The following KCNK5 variants were observed in gnomAD, a reference collection of about 807,000 sequenced individuals.
KCNK5 encodes the protein potassium channel subfamily K member 5.
KCNK5 carries 18 observed loss-of-function variants against 32.9 expected under a neutral mutation model. The observed-to-expected ratio is 0.55, with a 90% CI of 0.38 to 0.81. The LOEUF is 0.81. Ranked by LOEUF, KCNK5 falls within the 30% of genes least tolerant of loss-of-function variation. The pLI, the probability that KCNK5 is intolerant of heterozygous loss-of-function variation, is 0.00. For missense variants in KCNK5, 507 were observed against 651.0 expected (o/e 0.78, Z 2.41); for synonymous variants, 276 against 275.3 (o/e 1.00, Z -0.03).
chr6:39,217,451 G>A (rs554181327), intron 1 of KCNK5, among the ~76,000 whole-genome samples: 9 of 152,184 alleles, frequency 5.9e-5, no homozygotes, highest in Non-Finnish European at 1.2e-4. Flanking sequence ...ACTAGGACAC[G>A]TGGCAATCCC....
chr6:39,194,485 C>CT lies in KCNK5; in HGVS notation c.465+108dup, dbSNP rs1467915329. 2.8e-6 allele frequency: 4 copies of CT among 1,444,994 alleles called. No individual in the cohort carries two copies. The African/African-American group carries it at 5.7e-5, about 20-fold the overall frequency. 89.5% of individuals were successfully genotyped at this position (1,444,994 alleles called of 1,614,324 possible). A position where few individuals can be genotyped will look rare whatever the true frequency, so the allele number is the denominator to read the frequency against. ...GGGCAAGGAGCTCTGAAACTATCCTCTTGCCATCTGTCCTTACACCCTTGG... is the reference window on the plus strand; with the variant it reads ...GGGCAAGGAGCTCTGAAACTATCCTCTTTGCCATCTGTCCTTACACCCTTGG... On this transcript the variant is annotated intron_variant, in intron 3 of 4. Transcript: ENST00000359534. The surrounding 1 kb of genome is among the most constrained non-coding windows in gnomAD (Gnocchi z 4.7).
rs1477259861 is a variant in KCNK5 at position 39,194,568 on chromosome 6, C to A, written c.465+26G>T. The A allele has an allele frequency of 3.7e-6, 6 of 1,612,248 alleles. No individual in the cohort carries two copies. The highest frequency in any genetic ancestry group is 4.2e-6 in the Non-Finnish European group (5 of 1,178,694). On this transcript the variant is annotated intron_variant, in intron 3 of 4. Coordinates refer to ENST00000359534, the MANE Select transcript of KCNK5 (RefSeq NM_003740.4). The surrounding 1 kb of genome is among the most constrained non-coding windows in gnomAD (Gnocchi z 4.7). ...ACCTGTCATGGTTCCCCCATCTCTG[C>A]CCAACACCCAGGGTAGGGGACATAC...
chr6:39,227,088 G>C (rs1184055421), intron 1 of KCNK5, among the ~76,000 whole-genome samples: 4 of 152,026 alleles, frequency 2.6e-5, no homozygotes, highest in Non-Finnish European at 4.4e-5. Context: ...AGCTGCACCC[G>C]GCTGCCTAAC....
intron 1 of KCNK5, among the ~76,000 whole-genome samples, chr6:39,227,432 C>CA (rs1443622134): frequency 6.6e-6 from 1 of 152,164 alleles, no homozygotes; most frequent in Non-Finnish European, 1.5e-5. Flanking sequence ...GTAGACTCTT[C>CA]ATGCCAGGAC....
At chr6:39,195,424 G>A (rs559011264) in intron 2 of KCNK5, among the ~76,000 whole-genome samples, 1 of 152,310 alleles carries the variant, frequency 6.6e-6, no homozygotes, top group African/African-American at 2.4e-5. Flanking sequence ...GCCATTGTTC[G>A]ACTGCCACTG....
chr6:39,214,718 C>T (rs538243081), intron 1 of KCNK5, among the ~76,000 whole-genome samples: 3 of 152,118 alleles, frequency 2.0e-5, no homozygotes, highest in African/African-American at 4.8e-5. Context: ...TCCTCTGACA[C>T]GGGGCAGGGG....
In KCNK5 at chr6:39,229,145, C is replaced by T. The variant is rs1771725406; in HGVS notation, c.-34G>A. ...AGCGGCCGCCTCCTAGAGAAAGCCTCTCCTAGCCCCAGCTGCTACCAGTCC... is the reference window on the plus strand; with the variant it reads ...AGCGGCCGCCTCCTAGAGAAAGCCTTTCCTAGCCCCAGCTGCTACCAGTCC... On this transcript the variant is annotated 5_prime_UTR_variant, in exon 1 of 5. Transcript: ENST00000359534. The T allele has an allele frequency of 6.2e-7, 1 of 1,608,100 alleles. No homozygotes were observed. Among genetic ancestry groups the T allele is most frequent in the African/African-American group, 1.3e-5 (1 of 74,782 alleles).
chr6:39,198,921 G>GAT (rs1771076887), intron 1 of KCNK5, among the ~76,000 whole-genome samples: 2 of 152,170 alleles, frequency 1.3e-5, no homozygotes, highest in Non-Finnish European at 2.9e-5. Flanking sequence ...ATCCATCAAG[G>GAT]GTGTTGTGGA....
chr6:39,217,118 C>CAAAAA lies in KCNK5; in HGVS notation c.186+11803_186+11807dup, dbSNP rs57204833. 6.6e-3 allele frequency among the ~76,000 whole-genome samples: 493 copies of CAAAAA among 74,348 alleles called. 22 individuals are homozygous for CAAAAA. The highest frequency in any genetic ancestry group is 0.017 in the Middle Eastern group (2 of 120). The allele number at this position is 74,348 out of a possible 152,430, so 48.8% of individuals were successfully genotyped here. On this transcript the variant is annotated intron_variant, in intron 1 of 4. Transcript: ENST00000359534. ...CTGGGCAACAAGAGCAAAACTCCAT[C>CAAAAA]AAAAAAAAAAAAAAAAAAAAAAAAA...
chr6:39,208,881 G>A (rs561453927), intron 1 of KCNK5, among the ~76,000 whole-genome samples: 1 of 152,362 alleles, frequency 6.6e-6, no homozygotes, highest in South Asian at 2.1e-4. Context: ...TCTGAGGTCA[G>A]GAGTTTGAGA....
intron 1 of KCNK5, among the ~76,000 whole-genome samples, chr6:39,207,472 C>G (rs930468661): frequency 2.6e-5 from 4 of 152,112 alleles, no homozygotes; most frequent in African/African-American, 9.7e-5. Context: ...GGCAGGGAGC[C>G]CAGACAGGTG....
intron 1 of KCNK5, among the ~76,000 whole-genome samples, chr6:39,199,265 G>C (rs182795867): frequency 6.6e-6 from 1 of 152,328 alleles, no homozygotes; most frequent in African/African-American, 2.4e-5. Context: ...GTGCTAAGGA[G>C]ACATCAAACA....
Position 39,191,735 on chromosome 6 carries a change from A to G in KCNK5, c.655T>C (p.Tyr219His). Residue 219 changes from tyrosine to histidine, a missense_variant, in exon 5 of 5, where the codon TAC (tyrosine) becomes CAC (histidine). Physicochemically the swap from Tyr to His is moderately conservative, Grantham distance 83. This residue lies in a region of KCNK5 where 45 missense variants were observed against 107.6 expected (regional missense o/e 0.42). Coordinates refer to ENST00000359534, the MANE Select transcript of KCNK5 (RefSeq NM_003740.4). This position sits in a 1 kb window ranked among gnomAD's most constrained non-coding sequence, Gnocchi z 5.8. ...FVAGVNPSAN[Y>H]HALYRYFVEL... ...ACGAAGTAGCGGTACAGGGCGTGGT[A>G]GTTGGCGCTGGGGTTCACACCTGAG... is the stretch of plus-strand genomic sequence containing the variant. 6.2e-7 allele frequency: 1 copy of G among 1,612,828 alleles called. No individual in the cohort carries two copies. Among genetic ancestry groups the G allele is most frequent in the Non-Finnish European group, 8.5e-7 (1 of 1,179,042 alleles).
At chr6:39,228,780 C>T in intron 1 of KCNK5, 146 bp downstream of exon 1, 1 of 744,450 alleles carries the variant, frequency 1.3e-6, no homozygotes, top group Non-Finnish European at 2.2e-6. Context: ...GAAGCCTGAC[C>T]CATGATGAGA....
At chr6:39,218,932 C>T (rs571677138) in intron 1 of KCNK5, among the ~76,000 whole-genome samples, 1 of 152,242 alleles carries the variant, frequency 6.6e-6, no homozygotes, top group Non-Finnish European at 1.5e-5. Context: ...CCAACTTGCC[C>T]TCTTGGTTTC....
intron 2 of KCNK5, 36 bp downstream of exon 2, chr6:39,195,840 T>C: frequency 1.3e-6 from 2 of 1,511,394 alleles, no homozygotes; most frequent in South Asian, 1.1e-5. Context: ...AGCTAGGGCA[T>C]GGATGTGGGT....
chr6:39,217,547 T>C (rs1194252451), intron 1 of KCNK5, among the ~76,000 whole-genome samples: 1 of 152,202 alleles, frequency 6.6e-6, no homozygotes, highest in Non-Finnish European at 1.5e-5. Context: ...TCTTTTATTG[T>C]ACTTCCCCCA....
rs973438090 is a variant in KCNK5 at position 39,190,750 on chromosome 6, G to A, written c.*140C>T. The A allele has an allele frequency of 3.9e-6, 3 of 769,878 alleles. No homozygotes were observed. Among genetic ancestry groups the A allele is most frequent in the Admixed American group, 6.7e-5 (2 of 29,838 alleles). The allele number at this position is 769,878 out of a possible 1,614,324, so 47.7% of individuals were successfully genotyped here. On this transcript the variant is annotated 3_prime_UTR_variant, in exon 5 of 5. Coordinates refer to ENST00000359534, the MANE Select transcript of KCNK5 (RefSeq NM_003740.4). Reference sequence around the variant, plus strand: ...ATACATCTAGCTGAGGATGATGGAAGGTTAGGAAGGCCCCTGGCCCCCCAC... The same window carrying A: ...ATACATCTAGCTGAGGATGATGGAAAGTTAGGAAGGCCCCTGGCCCCCCAC...
At chr6:39,201,765 T>C (rs915794331) in intron 1 of KCNK5, among the ~76,000 whole-genome samples, 6 of 152,246 alleles carry the variant, frequency 3.9e-5, no homozygotes, top group African/African-American at 1.4e-4. Context: ...TACATTGATA[T>C]TTAAGCACTT....
Sources: gnomAD v4.1 joint callset for allele counts (sites outside exome capture counted in the v4.1 genomes callset) on GRCh38, gnomAD v4.1.1 for gene constraint, gnomAD v4.1.1 regional missense constraint, Gnocchi (gnomAD v3.1) non-coding constraint, MANE v1.5 for transcripts, NCBI Gene and HGNC (gene_info 2026-07-23, HGNC 2026-07-21) for gene names.